Variants in KIF17 observed in about 807,000 individuals in gnomAD.
KIF17 encodes kinesin family member 17.
A neutral mutation model predicts 96.8 loss-of-function variants in KIF17; 80 were observed. The ratio of observed to expected loss-of-function variants is 0.83; its 90% confidence interval spans 0.69 to 1.00. The LOEUF is 1.00. KIF17 is among the 50% of genes least tolerant of loss of function. KIF17 has a pLI of 0.00. For synonymous variants in KIF17, 567 were observed against 587.5 expected, an observed-to-expected ratio of 0.97 and a Z score of 0.51; for missense variants, 1,280 against 1,372.9, an observed-to-expected ratio of 0.93 and a Z score of 1.07.
chr1:20,706,957 G>A (rs1020144948), intron 4 of KIF17, among the ~76,000 whole-genome samples: 2 of 152,132 alleles, frequency 1.3e-5, no homozygotes, highest in African/African-American at 4.8e-5. Context: ...AGCTGGGTGT[G>A]TAGTGTCGTG....
At chr1:20,717,035 G>A (rs74058989) in intron 1 of KIF17, among the ~76,000 whole-genome samples, 4,960 of 152,296 alleles carry the variant, frequency 0.033, 269 homozygotes, top group African/African-American at 0.11. Context: ...TTGCCAGTGA[G>A]GGAAGATAAA....
chr1:20,707,036 C>T (rs2054354453), intron 4 of KIF17, among the ~76,000 whole-genome samples: 1 of 152,090 alleles, frequency 6.6e-6, no homozygotes, highest in Admixed American at 6.5e-5. Context: ...TTCAAGGCTA[C>T]AATGAGCTAT....
chr1:20,682,892 C>T lies in KIF17; in HGVS notation c.2232-8G>A, dbSNP rs372429850. 162 of 1,606,694 alleles carry T rather than the reference C, an allele frequency of 1.0e-4. No individual in the cohort carries two copies. Among genetic ancestry groups the T allele is most frequent in the South Asian group, 2.4e-4 (22 of 91,040 alleles). On this transcript the variant is annotated splice_region_variant and splice_polypyrimidine_tract_variant and intron_variant, in intron 10 of 14. Transcript: ENST00000400463. ...TGCTCCAACAGCTGCAGACTGCCGG[C>T]GTGGAGGAGAAAGCAAACAAGACAA...
Position 20,685,345 on chromosome 1 carries a change from C to G in KIF17, c.2020-325G>C, listed in dbSNP as rs2053918730. The stretch of plus-strand genomic sequence containing the variant: ...CGATGAGCCCCATGTGACTTCCCGT[C>G]ACGTTCGCAGGAAAGTCCACTTTCC... On this transcript the variant is annotated intron_variant, in intron 9 of 14. Coordinates refer to ENST00000400463, the MANE Select transcript of KIF17 (RefSeq NM_001122819.3). The surrounding 1 kb of genome is among the most constrained non-coding windows in gnomAD (Gnocchi z 4.1). 1 of 497,320 alleles carries G rather than the reference C, an allele frequency of 2.0e-6. No homozygotes were observed. Among genetic ancestry groups the G allele is most frequent in the African/African-American group, 1.9e-5 (1 of 52,250 alleles). The allele number at this position is 497,320 out of a possible 1,614,324, so 30.8% of individuals were successfully genotyped here. A position where few individuals can be genotyped will look rare whatever the true frequency, so the allele number is the denominator to read the frequency against.
chr1:20,663,457 G>A (rs1320443127), downstream of KIF17, among the ~76,000 whole-genome samples: 2 of 152,198 alleles, frequency 1.3e-5, no homozygotes, highest in Non-Finnish European at 2.9e-5. Flanking sequence ...TGCCCCAGGA[G>A]CTTTACATAC....
chr1:20,670,874 G>A (rs1412280264), intron 12 of KIF17, among the ~76,000 whole-genome samples: 4 of 152,168 alleles, frequency 2.6e-5, no homozygotes, highest in Non-Finnish European at 4.4e-5. Context: ...ACTCCTGGGG[G>A]GCACTGCGGG....
At chr1:20,701,878 G>A (rs2054243860) in intron 5 of KIF17, among the ~76,000 whole-genome samples, 1 of 152,186 alleles carries the variant, frequency 6.6e-6, no homozygotes, top group South Asian at 2.1e-4. Flanking sequence ...AGTGGGACCA[G>A]TAAAAGTAGA....
rs34690865 is a variant in KIF17, at chr1:20,700,896, C to T, written c.1124-2408G>A. 2.2e-4 allele frequency among the ~76,000 whole-genome samples: 34 copies of T among 152,240 alleles called. No individual in the cohort carries two copies. The highest frequency in any genetic ancestry group is 4.1e-4 in the South Asian group (2 of 4,824). On this transcript the variant is annotated intron_variant, in intron 5 of 14. Coordinates refer to ENST00000400463, the MANE Select transcript of KIF17 (RefSeq NM_001122819.3). This position sits in a 1 kb window ranked among gnomAD's most constrained non-coding sequence, Gnocchi z 4.6. Reference sequence around the variant, plus strand: ...ACCAGGAACAGCCCCTCAACCCCAACGCCCACCAGAATTATTCAGATCAGC... The same window carrying T: ...ACCAGGAACAGCCCCTCAACCCCAATGCCCACCAGAATTATTCAGATCAGC...
intron 6 of KIF17, among the ~76,000 whole-genome samples, chr1:20,690,772 T>A (rs1362077985): frequency 6.6e-6 from 1 of 151,772 alleles, no homozygotes; most frequent in Non-Finnish European, 1.5e-5. Flanking sequence ...CTGCAAGCTC[T>A]GCCTCCCAGG....
At chr1:20,675,987 C>A (rs1035624132) in intron 11 of KIF17, among the ~76,000 whole-genome samples, 1 of 151,750 alleles carries the variant, frequency 6.6e-6, no homozygotes, top group Non-Finnish European at 1.5e-5. Context: ...TTGCAGTGAG[C>A]GGAAATTGTG....
intron 2 of KIF17, among the ~76,000 whole-genome samples, chr1:20,714,230 G>A (rs2054536154): frequency 6.6e-6 from 1 of 152,198 alleles, no homozygotes; most frequent in Non-Finnish European, 1.5e-5. Context: ...AGGAGGCTGA[G>A]GCAGGAGAAT....
intron 11 of KIF17, among the ~76,000 whole-genome samples, chr1:20,679,413 A>G (rs1421113556): frequency 6.6e-6 from 1 of 152,120 alleles, no homozygotes; most frequent in East Asian, 1.9e-4. Context: ...CCAGGAGGTC[A>G]AGGCTGCAGT....
Position 20,685,057 on chromosome 1 carries a change from G to A in KIF17, c.2020-37C>T. 1 of 1,529,614 alleles carries A rather than the reference G, an allele frequency of 6.5e-7. No homozygotes were observed. Among genetic ancestry groups the A allele is most frequent in the Non-Finnish European group, 8.9e-7 (1 of 1,125,598 alleles). The allele number at this position is 1,529,614 out of a possible 1,614,324, so 94.8% of individuals were successfully genotyped here. A position where few individuals can be genotyped will look rare whatever the true frequency, so the allele number is the denominator to read the frequency against. ...GAGAAACCCAGGTGGAGGTGGGAAG[G>A]CCGCCCCAACCCCCGCCGACAGCTC... On this transcript the variant is annotated intron_variant, in intron 9 of 14. Transcript: ENST00000400463. The surrounding 1 kb of genome is among the most constrained non-coding windows in gnomAD (Gnocchi z 4.1).
downstream of KIF17, among the ~76,000 whole-genome samples, chr1:20,663,364 G>C (rs1197676639): frequency 1.3e-5 from 2 of 152,088 alleles, no homozygotes; most frequent in Non-Finnish European, 2.9e-5. Context: ...TGTGCTCCTT[G>C]GCCCAGGCAT....
At chr1:20,695,559 C>T (rs947522465) in intron 6 of KIF17, among the ~76,000 whole-genome samples, 4 of 152,148 alleles carry the variant, frequency 2.6e-5, no homozygotes, top group Admixed American at 6.5e-5. Flanking sequence ...GCCCACAGCC[C>T]CAGTCCTACC....
At chr1:20,682,946 C>T in intron 10 of KIF17, 62 bp from the exon 11 acceptor site, 1 of 1,438,242 alleles carries the variant, frequency 7.0e-7, no homozygotes, top group Non-Finnish European at 9.6e-7. Flanking sequence ...CACGTGCCAT[C>T]CAGCAGGCTC....
intron 11 of KIF17, among the ~76,000 whole-genome samples, chr1:20,677,980 A>G (rs1390787248): frequency 6.6e-6 from 1 of 152,236 alleles, no homozygotes; most frequent in Non-Finnish European, 1.5e-5. Flanking sequence ...TCTAAGAAAG[A>G]GATGGCACGT....
chr1:20,709,572 G>T lies in KIF17; in HGVS notation c.670+67C>A. The T allele has an allele frequency of 6.4e-7, 1 of 1,569,866 alleles. No homozygotes were observed. Among genetic ancestry groups the T allele is most frequent in the Non-Finnish European group, 8.8e-7 (1 of 1,140,334 alleles). On this transcript the variant is annotated intron_variant, in intron 4 of 14. Transcript: ENST00000400463. The surrounding 1 kb of genome is among the most constrained non-coding windows in gnomAD (Gnocchi z 4.7). ...GGGGCTCCTGCGGCCCCGAGAGGTG[G>T]CGTGCCTTGGCTAGTGGGAGTGGCT...
chr1:20,677,353 C>T (rs1371357424), intron 11 of KIF17, among the ~76,000 whole-genome samples: 2 of 152,240 alleles, frequency 1.3e-5, no homozygotes, highest in African/African-American at 4.8e-5. Context: ...CAAAATCACA[C>T]TTGCATTACC....
Sources: allele counts gnomAD v4.1 joint callset (sites outside exome capture counted in the v4.1 genomes callset), GRCh38; gene constraint gnomAD v4.1.1; non-coding constraint Gnocchi (gnomAD v3.1); transcripts MANE v1.5; gene names NCBI Gene and HGNC (gene_info 2026-07-23, HGNC 2026-07-21).